THSD7A: variants seen among roughly 807,000 people sequenced by gnomAD.
THSD7A encodes thrombospondin type 1 domain containing 7A.
In THSD7A, 96 loss-of-function variants were observed where a neutral mutation model predicts 231.3. The observed-to-expected ratio is 0.41, with a 90% CI of 0.35 to 0.49. The LOEUF is 0.49. Ranked by LOEUF, THSD7A falls within the 20% of genes least tolerant of loss-of-function variation. THSD7A has a pLI of 0.05. For missense variants in THSD7A, 2,290 were observed against 2,070.2 expected, an observed-to-expected ratio of 1.11 and a Z score of -2.06; for synonymous variants, 940 against 743.3, an observed-to-expected ratio of 1.26 and a Z score of -4.30.
At chr7:11,644,372 T>A (rs911171716) in intron 1 of THSD7A, among the ~76,000 whole-genome samples, 1 of 152,150 alleles carries the variant, frequency 6.6e-6, no homozygotes, top group East Asian at 1.9e-4. Context: ...GATCCCTTTG[T>A]ATAGATTTTT....
chr7:11,717,280 A>G (rs1365720904), intron 1 of THSD7A, among the ~76,000 whole-genome samples: 1 of 151,692 alleles, frequency 6.6e-6, no homozygotes, highest in African/African-American at 2.4e-5. Context: ...CCGTCCTTTG[A>G]ATAACCACAT....
Position 11,401,844 on chromosome 7 carries a change from C to G in THSD7A, c.4362G>C (p.Glu1454Asp), listed in dbSNP as rs756952682. 45 of 1,613,698 alleles carry G rather than the reference C, an allele frequency of 2.8e-5. No individual in the cohort carries two copies. The highest frequency in any genetic ancestry group is 1.6e-4 in the Middle Eastern group (1 of 6,082). The part of the protein sequence containing the change: ...RSRPVIIQEL[E>D]NQHLCPEQML... ...TCTGCTCTGGGCACAGATGCTGATT[C>G]TCTAGTTCTTGTATAATCACCGGTC... The change falls in exon 23 of 28, where the codon GAG becomes GAC. Residue 1454 changes from glutamate to aspartate, a missense_variant. By Grantham distance (45) the Glu-to-Asp change is conservative (BLOSUM62 2). Transcript: ENST00000423059.
chr7:11,756,421 G>A (rs1032185674), intron 1 of THSD7A, among the ~76,000 whole-genome samples: 3 of 151,914 alleles, frequency 2.0e-5, no homozygotes, highest in Admixed American at 6.6e-5. Flanking sequence ...AAATACTTGG[G>A]GAGTAACTGA....
rs78387466 is a variant in THSD7A, at chr7:11,671,150, T to G, written c.191-34189A>C. 5.3e-5 allele frequency among the ~76,000 whole-genome samples: 8 copies of G among 152,250 alleles called. No individual in the cohort carries two copies. In the East Asian group the frequency reaches 1.5e-3, roughly 29 times the overall value. On this transcript the variant is annotated intron_variant, in intron 1 of 27. Coordinates refer to ENST00000423059, the MANE Select transcript of THSD7A (RefSeq NM_015204.3). Reference sequence around the variant, plus strand: ...GACCTTCAAGGGTAAACAGTGGAAATGGAAAGTAGAAAATGCTTTTAGCTG... The same window carrying G: ...GACCTTCAAGGGTAAACAGTGGAAAGGGAAAGTAGAAAATGCTTTTAGCTG...
chr7:11,708,329 TC>T (rs1394026643), intron 1 of THSD7A, among the ~76,000 whole-genome samples: 1 of 150,796 alleles, frequency 6.6e-6, no homozygotes, highest in Non-Finnish European at 1.5e-5. Flanking sequence ...TGGATTTTGT[TC>T]ATGCTTTTCA....
intron 1 of THSD7A, among the ~76,000 whole-genome samples, chr7:11,665,788 GA>G (rs1352349945): frequency 6.6e-6 from 1 of 151,784 alleles, no homozygotes; most frequent in South Asian, 2.1e-4. Context: ...GGCCCCCTCA[GA>G]AAAAAGAACG....
intron 1 of THSD7A, among the ~76,000 whole-genome samples, chr7:11,673,837 C>T (rs1229674011): frequency 1.3e-5 from 2 of 152,124 alleles, no homozygotes; most frequent in African/African-American, 4.8e-5. Flanking sequence ...GTCAGGCCTG[C>T]TGCAGGGTGG....
At chr7:11,603,829 G>A (rs933920879) in intron 2 of THSD7A, among the ~76,000 whole-genome samples, 5 of 144,308 alleles carry the variant, frequency 3.5e-5, no homozygotes, top group Admixed American at 1.5e-4. Context: ...ATTGAACAAC[G>A]AGATCACATG....
chr7:11,446,431 C>A lies in THSD7A; in HGVS notation c.2801-107G>T. On this transcript the variant is annotated intron_variant, in intron 12 of 27. Transcript: ENST00000423059. This position sits in a 1 kb window ranked among gnomAD's most constrained non-coding sequence, Gnocchi z 4.0. ...TAATTTCTTTTTCTTCATTTTTAAC[C>A]ATATTTAACAGTAGCCTATAAATCA... 8.0e-7 allele frequency: 1 copy of A among 1,252,496 alleles called. No individual in the cohort carries two copies. The highest frequency in any genetic ancestry group is 1.1e-6 in the Non-Finnish European group (1 of 907,686). 77.6% of individuals were successfully genotyped at this position (1,252,496 alleles called of 1,614,324 possible).
At chr7:11,557,687 T>C (rs1427750585) in intron 4 of THSD7A, among the ~76,000 whole-genome samples, 2 of 152,166 alleles carry the variant, frequency 1.3e-5, no homozygotes, top group Non-Finnish European at 2.9e-5. Context: ...AGGTTTCTTA[T>C]TTAACCTCCA....
At chr7:11,382,888 C>A (rs1782576631) in intron 23 of THSD7A, among the ~76,000 whole-genome samples, 1 of 150,664 alleles carries the variant, frequency 6.6e-6, no homozygotes, top group Admixed American at 6.6e-5. Flanking sequence ...AATAAATATG[C>A]AGCCAGGTAT....
chr7:11,690,371 C>T (rs1017044178), intron 1 of THSD7A, among the ~76,000 whole-genome samples: 2 of 151,732 alleles, frequency 1.3e-5, no homozygotes, highest in African/African-American at 2.4e-5. Flanking sequence ...AAAGTAGGTT[C>T]TCAATTTGAC....
intron 1 of THSD7A, among the ~76,000 whole-genome samples, chr7:11,667,913 T>A (rs1414164027): frequency 3.3e-5 from 5 of 152,250 alleles, no homozygotes; most frequent in Middle Eastern, 3.4e-3. Context: ...ACATGCATAT[T>A]AACGTTAATG....
intron 6 of THSD7A, among the ~76,000 whole-genome samples, chr7:11,518,376 T>C (rs574121344): frequency 1.4e-4 from 22 of 152,058 alleles, no homozygotes; most frequent in Non-Finnish European, 2.9e-4. Flanking sequence ...AAGGAATGGG[T>C]AGAATTTCAG....
chr7:11,437,330 G>C (rs2128292328), intron 13 of THSD7A, among the ~76,000 whole-genome samples: 1 of 152,200 alleles, frequency 6.6e-6, no homozygotes, highest in South Asian at 2.1e-4. Flanking sequence ...GCCTGTGTGA[G>C]CTTAGTGCTG....
chr7:11,396,346 C>G (rs999824961), intron 23 of THSD7A, among the ~76,000 whole-genome samples: 1 of 151,986 alleles, frequency 6.6e-6, no homozygotes, highest in African/African-American at 2.4e-5. Flanking sequence ...AATCAAGGAG[C>G]TGTTTTTTTG....
chr7:11,801,579 T>C (rs1052925245), intron 1 of THSD7A, among the ~76,000 whole-genome samples: 1 of 152,294 alleles, frequency 6.6e-6, no homozygotes, highest in African/African-American at 2.4e-5. Context: ...CTGTAGTCTA[T>C]ATTATTAAGT....
At chr7:11,687,244 A>T (rs1354798919) in intron 1 of THSD7A, among the ~76,000 whole-genome samples, 17 of 151,924 alleles carry the variant, frequency 1.1e-4, no homozygotes, top group Admixed American at 1.1e-3. Context: ...GCACTAAAAT[A>T]AAATAGTAAA....
chr7:11,623,687 G>T (rs1481985509), intron 2 of THSD7A, among the ~76,000 whole-genome samples: 1 of 152,088 alleles, frequency 6.6e-6, no homozygotes, highest in East Asian at 1.9e-4. Context: ...CTTCGGCAGG[G>T]TCAAACCTAG....
Sources: allele counts gnomAD v4.1 joint callset (sites outside exome capture counted in the v4.1 genomes callset), GRCh38; gene constraint gnomAD v4.1.1; non-coding constraint Gnocchi (gnomAD v3.1); transcripts MANE v1.5; gene names NCBI Gene and HGNC (gene_info 2026-07-23, HGNC 2026-07-21).